Variants in CHRNA3 observed in about 807,000 individuals in gnomAD.
CHRNA3 encodes neuronal acetylcholine receptor subunit alpha-3.
In CHRNA3, 34 loss-of-function variants were observed where a neutral mutation model predicts 41.9. That is an observed-to-expected ratio of 0.81 (90% CI 0.62 to 1.08). The LOEUF (loss-of-function observed/expected upper bound fraction) is 1.08. Among genes scored for constraint, CHRNA3 ranks in the 50% least tolerant of loss-of-function variants. CHRNA3 has a pLI of 0.00. For synonymous variants in CHRNA3, 281 were observed against 265.2 expected (o/e 1.06, Z -0.58); for missense variants, 542 against 638.3 (o/e 0.85, Z 1.63).
Position 78,601,550 on chromosome 15 carries a change from G to A in CHRNA3, c.1092C>T (p.Gly364=). The A allele has an allele frequency of 6.2e-7, 1 of 1,614,150 alleles. No individual in the cohort carries two copies. The highest frequency in any genetic ancestry group is 8.5e-7 in the Non-Finnish European group (1 of 1,180,042). Reference sequence around the variant, plus strand: ...AGAGGGGCCTCGGCTTCTGAGCGTTGCCCTCGTTGCTTGTTGGCCTGGTCA... The same window carrying A: ...AGAGGGGCCTCGGCTTCTGAGCGTTACCCTCGTTGCTTGTTGGCCTGGTCA... ...MFMTRPTSNE[G]NAQKPRPLYG... is the part of the protein sequence containing the mutation. Residue 364 remains glycine (G), a synonymous_variant, in exon 5 of 6, where the codon GGC becomes GGT. Transcript: ENST00000326828.
chr15:78,620,590 T>A, intron 1 of CHRNA3, 123 bp downstream of exon 1: 8 of 1,360,908 alleles, frequency 5.9e-6, no homozygotes, highest in Non-Finnish European at 7.5e-6. Flanking sequence ...GGGTTCCGAG[T>A]CCCCGGCGAC....
intron 5 of CHRNA3, among the ~76,000 whole-genome samples, chr15:78,597,240 G>T (rs1371823105): frequency 6.6e-6 from 1 of 152,112 alleles, no homozygotes; most frequent in African/African-American, 2.4e-5. Context: ...CCAACATGGT[G>T]AAACCCTGTT....
In CHRNA3 at chr15:78,596,851, A is replaced by G. The variant is rs925489844; in HGVS notation, c.1390-119T>C. ...GAAGCCATTTTGTCTCTAATATGTA[A>G]GAAGCCCTTTTTTTCCTAATTGATG... is the stretch of plus-strand genomic sequence containing the variant. On this transcript the variant is annotated intron_variant, in intron 5 of 5. Transcript: ENST00000326828. The G allele has an allele frequency of 4.3e-6, 6 of 1,393,642 alleles. No homozygotes were observed. The African/African-American group carries it at 8.7e-5, about 20-fold the overall frequency. 86.3% of individuals were successfully genotyped at this position (1,393,642 alleles called of 1,614,324 possible).
chr15:78,608,712 T>C lies in CHRNA3; in HGVS notation c.378-6448A>G, dbSNP rs4299118. On this transcript the variant is annotated intron_variant, in intron 4 of 5. Coordinates refer to ENST00000326828, the MANE Select transcript of CHRNA3 (RefSeq NM_000743.5). ...AAGGAACATAGCTCCTCACCAGCAA[T>C]GGAACAAAGCTGGACGGAGAATGAC... 5.7e-3 allele frequency among the ~76,000 whole-genome samples: 858 copies of C among 151,856 alleles called. 35 individuals carry two copies. The highest frequency in any genetic ancestry group is 0.052 in the Admixed American group (790 of 15,264).
chr15:78,602,315 C>A lies in CHRNA3; in HGVS notation c.378-51G>T, dbSNP rs1024245236. The A allele has an allele frequency of 4.5e-6, 7 of 1,560,230 alleles. No homozygotes were observed. In the South Asian group the frequency reaches 6.0e-5, roughly 13 times the overall value. The stretch of plus-strand genomic sequence containing the variant: ...TGACACACGGTCATTAACACTTGGT[C>A]ATATTGTGGTCATCTCAACCAGCTT... On this transcript the variant is annotated intron_variant, in intron 4 of 5. Coordinates refer to ENST00000326828, the MANE Select transcript of CHRNA3 (RefSeq NM_000743.5).
intron 4 of CHRNA3, among the ~76,000 whole-genome samples, chr15:78,603,787 A>G (rs1317286): frequency 0.3 from 45,382 of 151,946 alleles, 7,208 homozygotes; most frequent in Middle Eastern, 0.42. Flanking sequence ...TTTGCCCCCA[A>G]TGGTGCCCTG....
intron 5 of CHRNA3, among the ~76,000 whole-genome samples, chr15:78,598,835 AT>A (rs34934996): frequency 0.043 from 5,027 of 118,248 alleles, 275 homozygotes; most frequent in African/African-American, 0.14. Context: ...TGCACCCGGC[AT>A]TTTTTTTTTT....
At chr15:78,596,871 T>TTGA in intron 5 of CHRNA3, 139 bp from the exon 6 acceptor site, 1 of 1,276,002 alleles carries the variant, frequency 7.8e-7, no homozygotes, top group South Asian at 1.7e-5. Context: ...TTTTTCCTAA[T>TTGA]TGATGTGGTC....
chr15:78,593,886 TG>T (rs1190095017), downstream of CHRNA3: 1 of 150,698 alleles, frequency 6.6e-6, no homozygotes, highest in Non-Finnish European at 1.5e-5. Context: ...ACTAAAAATA[TG>T]AAATTAGCCA....
intron 4 of CHRNA3, 45 bp from the exon 5 acceptor site, chr15:78,602,309 C>T (rs1313775916): frequency 1.7e-5 from 27 of 1,580,958 alleles, no homozygotes; most frequent in Non-Finnish European, 1.7e-5. Context: ...GTCATTAACA[C>T]TTGGTCATAT....
rs2053413028 is a variant in CHRNA3, at chr15:78,613,527, A to G, written c.377+3497T>C. Among the ~76,000 whole-genome samples, 3 of 140,204 alleles carry G rather than the reference A, an allele frequency of 2.1e-5. No individual in the cohort carries two copies. In the South Asian group the frequency reaches 7.7e-4, roughly 36 times the overall value. 92.0% of individuals were successfully genotyped at this position (140,204 alleles called of 152,430 possible). Reference sequence around the variant, plus strand: ...TAGGTGGGAATTGAACAATGAGAACACATGGACACAGGAAGGGGAACATCA... The same window carrying G: ...TAGGTGGGAATTGAACAATGAGAACGCATGGACACAGGAAGGGGAACATCA... On this transcript the variant is annotated intron_variant, in intron 4 of 5. Coordinates refer to ENST00000326828, the MANE Select transcript of CHRNA3 (RefSeq NM_000743.5).
chr15:78,609,418 A>G (rs1396880306), intron 4 of CHRNA3, among the ~76,000 whole-genome samples: 3 of 152,232 alleles, frequency 2.0e-5, no homozygotes, highest in African/African-American at 7.2e-5. Flanking sequence ...AGTGGGGGCC[A>G]ATATTCAACA....
intron 5 of CHRNA3, among the ~76,000 whole-genome samples, chr15:78,600,354 C>T (rs768546159): frequency 6.6e-6 from 1 of 152,188 alleles, no homozygotes; most frequent in East Asian, 1.9e-4. Flanking sequence ...GGATTACAGG[C>T]GTGAGCCACT....
At chr15:78,605,010 C>CTGAG (rs1555418005) in intron 4 of CHRNA3, among the ~76,000 whole-genome samples, 2 of 151,858 alleles carry the variant, frequency 1.3e-5, no homozygotes, top group African/African-American at 4.8e-5. Flanking sequence ...GAGATTCTGT[C>CTGAG]TCAGTCAATC....
At chr15:78,618,487 A>C in intron 3 of CHRNA3, 130 bp downstream of exon 3, 1 of 1,006,938 alleles carries the variant, frequency 9.9e-7, no homozygotes, top group East Asian at 2.5e-5. Context: ...TATATCTGCC[A>C]GTCAGTGGAC....
rs1488312380 is a variant in CHRNA3 at position 78,602,253 on chromosome 15, TC to T, written c.388del (p.Asp130IlefsTer18). The T allele has an allele frequency of 1.2e-6, 2 of 1,613,402 alleles. No individual in the cohort carries two copies. The highest frequency in any genetic ancestry group is 4.5e-5 in the East Asian group (2 of 44,842). Reference sequence around the variant, plus strand: ...TTTGGTCTTGTCGTCCACCTGGAAATCCCCAACAGCACTGCAAAGACAAAGA... The same window carrying T: ...TTTGGTCTTGTCGTCCACCTGGAAATCCCAACAGCACTGCAAAGACAAAGA... ...DIVLYNNAVG[D>X]FQVDDKTKAL... On this transcript the variant is annotated frameshift_variant, in exon 5 of 6. Coordinates refer to ENST00000326828, the MANE Select transcript of CHRNA3 (RefSeq NM_000743.5). LOFTEE classifies it high-confidence loss of function.
At chr15:78,616,350 TC>T (rs1362089864) in intron 4 of CHRNA3, among the ~76,000 whole-genome samples, 59 of 109,150 alleles carry the variant, frequency 5.4e-4, no homozygotes, top group East Asian at 5.2e-3. Flanking sequence ...GACTCAGTCT[TC>T]CCCCCCCCAC....
Position 78,601,974 on chromosome 15 carries a change from C to T in CHRNA3, c.668G>A (p.Cys223Tyr), listed in dbSNP as rs2053209851. The T allele has an allele frequency of 6.2e-7, 1 of 1,611,854 alleles. No homozygotes were observed. The highest frequency in any genetic ancestry group is 8.5e-7 in the Non-Finnish European group (1 of 1,179,118). ...PGYKHDIKYN[C>Y]CEEIYPDITY... ...GATGTCGGGGTAGATCTCCTCGCAG[C>T]AGTTGTACTTGATGTCGTGTTTGTA... The change falls in exon 5 of 6, where the codon TGC becomes TAC. Residue 223 changes from cysteine to tyrosine, a missense_variant. Transcript: ENST00000326828.
At chr15:78,596,862 T>C (rs2053121508) in intron 5 of CHRNA3, 130 bp from the exon 6 acceptor site, 2 of 1,323,290 alleles carry the variant, frequency 1.5e-6, no homozygotes, top group Non-Finnish European at 2.0e-6. Flanking sequence ...GAAGCCCTTT[T>C]TTTCCTAATT....
Sources: allele counts gnomAD v4.1 joint callset (sites outside exome capture counted in the v4.1 genomes callset), GRCh38; gene constraint gnomAD v4.1.1; transcripts MANE v1.5; gene names NCBI Gene and HGNC (gene_info 2026-07-23, HGNC 2026-07-21).